SPAG16: variants seen among roughly 807,000 people sequenced by gnomAD.
SPAG16 encodes sperm-associated antigen 16 protein.
Under a neutral mutation model 80.4 loss-of-function variants are expected in SPAG16, and 86 were observed. The ratio of observed to expected loss-of-function variants is 1.07; its 90% CI spans 0.90 to 1.28. SPAG16 has a LOEUF of 1.28. Among genes scored for constraint, SPAG16 ranks in the 50% most tolerant of loss-of-function variants. The pLI, the probability that SPAG16 is intolerant of heterozygous loss-of-function variation, is 0.00. For synonymous variants in SPAG16, 294 were observed against 265.9 expected (o/e 1.11, Z -1.03); for missense variants, 870 against 765.3 (o/e 1.14, Z -1.61).
At chr2:214,108,479 A>ACACACACACC (rs71409874) in intron 14 of SPAG16, among the ~76,000 whole-genome samples, 48 of 52,404 alleles carry the variant, frequency 9.2e-4, no homozygotes, top group Admixed American at 4.7e-3. Flanking sequence ...ACACACACAC[A>ACACACACACC]CCCCCACACA....
At chr2:214,167,810 T>C (rs1205862310) in intron 15 of SPAG16, among the ~76,000 whole-genome samples, 1 of 147,710 alleles carries the variant, frequency 6.8e-6, no homozygotes, top group Non-Finnish European at 1.5e-5. Context: ...ATTATATACT[T>C]TTTTTTTTTC....
chr2:213,492,528 C>A (rs907283695), intron 10 of SPAG16, among the ~76,000 whole-genome samples: 1 of 151,654 alleles, frequency 6.6e-6, no homozygotes, highest in Non-Finnish European at 1.5e-5. Context: ...CCAGCCTAGG[C>A]GACAGAGCGA....
At chr2:213,396,626 C>T (rs777358584) in intron 9 of SPAG16, 18 of 456,130 alleles carry the variant, frequency 3.9e-5, no homozygotes, top group Middle Eastern at 6.5e-4. Flanking sequence ...GGAATAAGAC[C>T]GTACCTCTGC....
chr2:213,762,384 G>A (rs919914291), intron 10 of SPAG16, among the ~76,000 whole-genome samples: 7 of 152,124 alleles, frequency 4.6e-5, no homozygotes, highest in African/African-American at 1.7e-4. Flanking sequence ...ATTTTACCAC[G>A]ATAAAAAATG....
intron 15 of SPAG16, among the ~76,000 whole-genome samples, chr2:214,351,443 T>C (rs914434013): frequency 4.6e-5 from 7 of 152,138 alleles, no homozygotes; most frequent in Non-Finnish European, 8.8e-5. Flanking sequence ...GGCTCATGCC[T>C]GTAATCCCAG....
At position 213,284,502 on chromosome 2, in the gene SPAG16, A is replaced by T; in HGVS notation, c.19A>T (p.Met7Leu). MAAQRG[M>L]PSSAVRVLEE... Reference sequence around the variant, plus strand: ...GCCAGAGATGGCTGCTCAGCGAGGGATGCCCAGCTCCGCCGTGAGGGTCCT... The same window carrying T: ...GCCAGAGATGGCTGCTCAGCGAGGGTTGCCCAGCTCCGCCGTGAGGGTCCT... The change falls in exon 1 of 16, where the codon ATG (methionine) becomes TTG (leucine). Residue 7 changes from methionine to leucine, a missense_variant. By Grantham distance (15) the Met-to-Leu change is conservative. Coordinates refer to ENST00000331683, the MANE Select transcript of SPAG16 (RefSeq NM_024532.5). 1 of 1,574,914 alleles carries T rather than the reference A, an allele frequency of 6.3e-7. No individual in the cohort carries two copies. Among genetic ancestry groups the T allele is most frequent in the Non-Finnish European group, 8.6e-7 (1 of 1,160,528 alleles).
At chr2:213,510,289 C>T (rs2075170357) in intron 10 of SPAG16, among the ~76,000 whole-genome samples, 1 of 152,114 alleles carries the variant, frequency 6.6e-6, no homozygotes, top group Admixed American at 6.5e-5. Context: ...AAGGACATAG[C>T]TGCAGTTTGG....
chr2:214,345,698 CT>C (rs900456820), intron 15 of SPAG16, among the ~76,000 whole-genome samples: 19 of 152,256 alleles, frequency 1.2e-4, no homozygotes, highest in African/African-American at 4.6e-4. Flanking sequence ...CTCCCAATCC[CT>C]TTCTGCTCCC....
rs1417706234 is a variant in SPAG16 at position 213,643,359 on chromosome 2, T to C, written c.1070+153269T>C. Among the ~76,000 whole-genome samples, 5 of 7,280 alleles carry C rather than the reference T, an allele frequency of 6.9e-4. No homozygotes were observed. In the South Asian group the frequency reaches 0.02, roughly 29 times the overall value. 4.8% of individuals were successfully genotyped at this position (7,280 alleles called of 152,430 possible). A position where few individuals can be genotyped will look rare whatever the true frequency, so the allele number is the denominator to read the frequency against. On this transcript the variant is annotated intron_variant, in intron 10 of 15. Transcript: ENST00000331683. ...ATTGGATCTTAATTTTATATATATA[T>C]ATATATATATATATATATATATATA...
chr2:214,169,203 A>C (rs1464318774), intron 15 of SPAG16, among the ~76,000 whole-genome samples: 3 of 152,032 alleles, frequency 2.0e-5, no homozygotes, highest in Non-Finnish European at 4.4e-5. Flanking sequence ...TATTTCTTGG[A>C]CTATAATAGT....
At chr2:213,390,290 T>C (rs187276876) in intron 9 of SPAG16, among the ~76,000 whole-genome samples, 3 of 152,268 alleles carry the variant, frequency 2.0e-5, no homozygotes, top group Non-Finnish European at 4.4e-5. Flanking sequence ...ATGAAAAGAA[T>C]TCTAGGAGAT....
At chr2:213,704,352 C>G (rs72946968) in intron 10 of SPAG16, among the ~76,000 whole-genome samples, 3,712 of 152,190 alleles carry the variant, frequency 0.024, 73 homozygotes, top group Non-Finnish European at 0.037. Flanking sequence ...TACAGTATTT[C>G]ATTTTATTCA....
chr2:214,040,007 G>A (rs1197892143), intron 13 of SPAG16, among the ~76,000 whole-genome samples: 1 of 152,142 alleles, frequency 6.6e-6, no homozygotes, highest in Non-Finnish European at 1.5e-5. Context: ...TTTCTGGTGG[G>A]GCCACAGGAG....
In SPAG16 at chr2:214,040,757, T is replaced by C. The variant is rs113466730; in HGVS notation, c.1527+26680T>C. Among the ~76,000 whole-genome samples the C allele has an allele frequency of 3.8e-3, 577 of 152,302 alleles. 5 individuals carry two copies. The highest frequency in any genetic ancestry group is 0.013 in the African/African-American group (553 of 41,580). On this transcript the variant is annotated intron_variant, in intron 13 of 15. Transcript: ENST00000331683. ...ATTTCTTTATTTATTGGCTAAAGTC[T>C]GCATATTTTTCTTCTTCATCTGTAA...
intron 10 of SPAG16, among the ~76,000 whole-genome samples, chr2:213,509,876 C>T (rs955426097): frequency 3.3e-5 from 5 of 152,054 alleles, no homozygotes; most frequent in African/African-American, 4.8e-5. Context: ...ATGAATCCAG[C>T]AGCTGGTTTT....
chr2:214,041,978 G>GTATATATATA (rs1158447338), intron 13 of SPAG16, among the ~76,000 whole-genome samples: 207 of 116,342 alleles, frequency 1.8e-3, no homozygotes, highest in Middle Eastern at 4.9e-3. Flanking sequence ...GTCTGTGTGT[G>GTATATATATA]TATATATATA....
At chr2:214,292,497 G>A (rs963463663) in intron 15 of SPAG16, among the ~76,000 whole-genome samples, 3 of 151,700 alleles carry the variant, frequency 2.0e-5, no homozygotes, top group African/African-American at 7.3e-5. Flanking sequence ...TTCATTTTCA[G>A]TATTTCTGAT....
At chr2:213,305,506 G>A (rs766182329) in intron 3 of SPAG16, among the ~76,000 whole-genome samples, 64 of 152,104 alleles carry the variant, frequency 4.2e-4, no homozygotes, top group Non-Finnish European at 4.0e-4. Context: ...CATATATGGC[G>A]TTTACTGTGT....
At chr2:213,876,605 G>A (rs376565818) in intron 11 of SPAG16, among the ~76,000 whole-genome samples, 28 of 152,210 alleles carry the variant, frequency 1.8e-4, no homozygotes, top group Middle Eastern at 3.4e-3. Context: ...ATTCTACGAC[G>A]TAAGTCTGGA....
Sources: gnomAD v4.1 joint callset for allele counts (sites outside exome capture counted in the v4.1 genomes callset) on GRCh38, gnomAD v4.1.1 for gene constraint, MANE v1.5 for transcripts, NCBI Gene and HGNC (gene_info 2026-07-23, HGNC 2026-07-21) for gene names.